FSTL5: variants seen among roughly 807,000 people sequenced by gnomAD.
FSTL5 encodes the protein follistatin like 5.
In FSTL5, 62 loss-of-function variants were observed where a neutral mutation model predicts 89.1. The ratio of observed to expected loss-of-function variants is 0.70; its 90% CI spans 0.57 to 0.86. FSTL5 has a LOEUF of 0.86. Ranked by LOEUF, FSTL5 falls within the 40% of genes least tolerant of loss-of-function variation. The pLI is 0.00. For synonymous variants in FSTL5, 383 were observed against 346.2 expected (o/e 1.11, Z -1.18); for missense variants, 1,057 against 1,001.6 (o/e 1.06, Z -0.75).
intron 15 of FSTL5, among the ~76,000 whole-genome samples, chr4:161,420,808 A>G (rs916818970): frequency 1.1e-4 from 16 of 150,474 alleles, no homozygotes; most frequent in African/African-American, 3.7e-4. Context: ...ATGAATATTG[A>G]ATATATAAAT....
chr4:161,574,576 T>C (rs1038759319), intron 8 of FSTL5, among the ~76,000 whole-genome samples: 7 of 152,136 alleles, frequency 4.6e-5, no homozygotes, highest in East Asian at 1.9e-4. Context: ...TGTGTTTTCA[T>C]TGTTCAACTC....
Position 161,777,954 on chromosome 4 carries a change from C to A in FSTL5, c.410-1880G>T, listed in dbSNP as rs575576413. On this transcript the variant is annotated intron_variant, in intron 4 of 15. Coordinates refer to ENST00000306100, the MANE Select transcript of FSTL5 (RefSeq NM_020116.5). ...ACTAAAAATAAAAAAATTGGCCGGG[C>A]ACGATGGCACGTGCCTCTAAACCCA... Among the ~76,000 whole-genome samples the A allele has an allele frequency of 3.3e-5, 5 of 152,124 alleles. No individual in the cohort carries two copies. In the South Asian group the frequency reaches 1.0e-3, roughly 32 times the overall value.
At chr4:161,455,934 A>T (rs1460276914) in intron 14 of FSTL5, among the ~76,000 whole-genome samples, 1 of 152,206 alleles carries the variant, frequency 6.6e-6, no homozygotes, top group Non-Finnish European at 1.5e-5. Context: ...ACTAAGTTAA[A>T]GTAATTCTCC....
chr4:161,572,693 C>A (rs1733060636), intron 8 of FSTL5, among the ~76,000 whole-genome samples: 1 of 152,192 alleles, frequency 6.6e-6, no homozygotes, highest in Non-Finnish European at 1.5e-5. Flanking sequence ...ACAAGTAGTG[C>A]ACAGACTGGA....
chr4:161,796,287 G>C (rs1479874359), intron 4 of FSTL5, among the ~76,000 whole-genome samples: 1 of 151,688 alleles, frequency 6.6e-6, no homozygotes, highest in Non-Finnish European at 1.5e-5. Context: ...ACAAATTGTA[G>C]TTCTCAAACA....
chr4:161,594,909 C>T (rs115119173), intron 7 of FSTL5, among the ~76,000 whole-genome samples: 2,078 of 151,866 alleles, frequency 0.014, 20 homozygotes, highest in Non-Finnish European at 0.019. Flanking sequence ...TAAACAACTT[C>T]GTAAAAAAGG....
intron 7 of FSTL5, among the ~76,000 whole-genome samples, chr4:161,609,139 C>T (rs1734555781): frequency 6.6e-6 from 1 of 151,980 alleles, no homozygotes; most frequent in African/African-American, 2.4e-5. Flanking sequence ...CTGTGTTAGT[C>T]TCAGCATGCA....
chr4:161,985,652 A>G (rs1204182321), intron 3 of FSTL5, among the ~76,000 whole-genome samples: 1 of 151,840 alleles, frequency 6.6e-6, no homozygotes, highest in East Asian at 1.9e-4. Context: ...TATACTTTGT[A>G]TATATATTTA....
chr4:161,708,721 T>C (rs1738672285), intron 6 of FSTL5, among the ~76,000 whole-genome samples: 2 of 152,148 alleles, frequency 1.3e-5, no homozygotes, highest in East Asian at 3.8e-4. Context: ...ATATACATTG[T>C]TTTAGTAATT....
At chr4:161,631,822 A>C (rs1396653727) in intron 7 of FSTL5, among the ~76,000 whole-genome samples, 1 of 152,178 alleles carries the variant, frequency 6.6e-6, no homozygotes, top group Non-Finnish European at 1.5e-5. Flanking sequence ...ATTGAAGAAA[A>C]ATAGTTTCAA....
intron 4 of FSTL5, among the ~76,000 whole-genome samples, chr4:161,799,908 A>G (rs1729743928): frequency 1.3e-5 from 2 of 151,722 alleles, no homozygotes; most frequent in Admixed American, 1.3e-4. Flanking sequence ...ATATTGATTC[A>G]TAGCCATAAT....
intron 11 of FSTL5, among the ~76,000 whole-genome samples, chr4:161,502,808 A>G (rs72988965): frequency 7.5e-4 from 114 of 151,958 alleles, no homozygotes; most frequent in African/African-American, 2.6e-3. Flanking sequence ...ATATAAATTT[A>G]TTAAGATTAT....
At chr4:162,117,230 C>G (rs533761119) in intron 1 of FSTL5, among the ~76,000 whole-genome samples, 2 of 152,156 alleles carry the variant, frequency 1.3e-5, no homozygotes. Context: ...AACTGATTAC[C>G]CTGGGTGGGC....
chr4:161,499,691 CTACAAA>C (rs1730227589), intron 12 of FSTL5, among the ~76,000 whole-genome samples: 1 of 152,008 alleles, frequency 6.6e-6, no homozygotes, highest in Admixed American at 6.6e-5. Context: ...TAAATATAAC[CTACAAA>C]TACAGGAGGT....
intron 2 of FSTL5, among the ~76,000 whole-genome samples, chr4:162,058,423 C>CTTTTTTTTTTTTTTTTTTTTTTT (rs764578152): frequency 8.9e-6 from 1 of 112,108 alleles, no homozygotes; most frequent in Non-Finnish European, 1.7e-5. Flanking sequence ...ATAAATTCCT[C>CTTTTTTTTTTTTTTTTTTTTTTT]TTTTTTTTTT....
At chr4:161,684,678 T>C (rs984535165) in intron 6 of FSTL5, among the ~76,000 whole-genome samples, 1 of 152,302 alleles carries the variant, frequency 6.6e-6, no homozygotes, top group East Asian at 1.9e-4. Flanking sequence ...CTTTGTAGGA[T>C]GCACAGTTTG....
chr4:162,052,646 C>A (rs1334284460), intron 2 of FSTL5, among the ~76,000 whole-genome samples: 1 of 151,590 alleles, frequency 6.6e-6, no homozygotes, highest in Non-Finnish European at 1.5e-5. Flanking sequence ...GAGAATTCAA[C>A]AATTAGAAGC....
At chr4:161,426,485 G>A (rs939831911) in intron 15 of FSTL5, among the ~76,000 whole-genome samples, 36 of 152,212 alleles carry the variant, frequency 2.4e-4, no homozygotes, top group African/African-American at 8.2e-4. Context: ...CTTGTAAGCA[G>A]ATAGCAGATA....
chr4:161,499,088 G>A (rs1443482401), intron 12 of FSTL5, among the ~76,000 whole-genome samples: 1 of 152,050 alleles, frequency 6.6e-6, no homozygotes, highest in African/African-American at 2.4e-5. Context: ...TGTAATCCCA[G>A]CTACTTGGGA....
Sources: allele counts gnomAD v4.1 joint callset (sites outside exome capture counted in the v4.1 genomes callset), GRCh38; gene constraint gnomAD v4.1.1; transcripts MANE v1.5; gene names NCBI Gene and HGNC (gene_info 2026-07-23, HGNC 2026-07-21).